The following WRAP73 variants were observed in gnomAD, a reference collection of about 807,000 sequenced individuals.
WRAP73 encodes WD repeat containing, antisense to TP73.
WRAP73 carries 55 observed loss-of-function variants against 59.6 expected under a neutral mutation model. That is an observed-to-expected ratio of 0.92 (90% CI 0.74 to 1.15). The LOEUF is 1.15. WRAP73 is among the 50% of genes most tolerant of loss of function. WRAP73 has a pLI of 0.00. For synonymous variants in WRAP73, 265 were observed against 258.2 expected, an observed-to-expected ratio of 1.03 and a Z score of -0.25; for missense variants, 592 against 608.1, an observed-to-expected ratio of 0.97 and a Z score of 0.28.
chr1:3,632,789 CT>C (rs368001497), intron 9 of WRAP73: 7 of 252,680 alleles, frequency 2.8e-5, no homozygotes, highest in African/African-American at 9.2e-5. Flanking sequence ...AAGGACGCCC[CT>C]GGGCTCCTGG....
intron 3 of WRAP73, among the ~76,000 whole-genome samples, chr1:3,642,251 C>T (rs1644653273): frequency 6.6e-6 from 1 of 152,162 alleles, no homozygotes. Context: ...AAAAATCTGA[C>T]AGACTACAAG....
intron 8 of WRAP73, chr1:3,633,886 C>T (rs1434137170): frequency 1.7e-5 from 3 of 177,002 alleles, no homozygotes; most frequent in East Asian, 1.6e-4. Context: ...GACACAGACC[C>T]GAGGTGGGGG....
rs771040766 is a variant in WRAP73 at position 3,636,041 on chromosome 1, A to G, written c.517-11T>C. 6.2e-7 allele frequency: 1 copy of G among 1,606,348 alleles called. No individual in the cohort carries two copies. Among genetic ancestry groups the G allele is most frequent in the East Asian group, 2.2e-5 (1 of 44,844 alleles). On this transcript the variant is annotated splice_polypyrimidine_tract_variant and intron_variant, in intron 5 of 11. Transcript: ENST00000270708. Reference sequence around the variant, plus strand: ...GTCCGTATCAAAATGCTTCCAAAGGAAGGGGGGGAAACATTAAATTTGGAA... The same window carrying G: ...GTCCGTATCAAAATGCTTCCAAAGGGAGGGGGGGAAACATTAAATTTGGAA...
intron 3 of WRAP73, among the ~76,000 whole-genome samples, chr1:3,643,663 C>G (rs908819317): frequency 3.5e-5 from 2 of 57,818 alleles, no homozygotes; most frequent in African/African-American, 7.0e-5. Flanking sequence ...ACCCAGCGGC[C>G]CCGCTGAGCC....
chr1:3,647,541 C>T lies in WRAP73; in HGVS notation c.89G>A (p.Arg30Gln), dbSNP rs149650698. 143 of 1,613,274 alleles carry T rather than the reference C, an allele frequency of 8.9e-5. No individual in the cohort carries two copies. The African/African-American group carries it at 1.4e-3, about 16-fold the overall frequency. Residue 30 changes from arginine (R) to glutamine (Q), a missense_variant, in exon 2 of 12, where the codon CGG becomes CAG. Coordinates refer to ENST00000270708, the MANE Select transcript of WRAP73 (RefSeq NM_017818.4). ...GGTGTTCACATCCCGGACCACTAACCGGTACTGGACACAGGAAGCCTAAAA... is the reference window on the plus strand; with the variant it reads ...GGTGTTCACATCCCGGACCACTAACTGGTACTGGACACAGGAAGCCTAAAA... ...GKYLASCVQY[R>Q]LVVRDVNTLQ...
At chr1:3,649,072 G>A (rs759882326) in intron 1 of WRAP73, among the ~76,000 whole-genome samples, 10 of 152,272 alleles carry the variant, frequency 6.6e-5, no homozygotes, top group Non-Finnish European at 1.5e-4. Flanking sequence ...CACTTTTTAC[G>A]AGGCATGTTT....
chr1:3,630,945 C>A lies in WRAP73; in HGVS notation c.*30G>T, dbSNP rs1419511795. Reference sequence around the variant, plus strand: ...TCCCACACTGGAAACACAGAGTAGCCCTGTTTCTGCACACGTTAGTGCACC... The same window carrying A: ...TCCCACACTGGAAACACAGAGTAGCACTGTTTCTGCACACGTTAGTGCACC... On this transcript the variant is annotated 3_prime_UTR_variant, in exon 12 of 12. Transcript: ENST00000270708. 10 of 1,601,760 alleles carry A rather than the reference C, an allele frequency of 6.2e-6. No individual in the cohort carries two copies. The highest frequency in any genetic ancestry group is 8.5e-6 in the Non-Finnish European group (10 of 1,172,176).
chr1:3,632,345 C>T lies in WRAP73; in HGVS notation c.923-7G>A, dbSNP rs779877710. 18 of 1,613,974 alleles carry T rather than the reference C, an allele frequency of 1.1e-5. No individual in the cohort carries two copies. Among genetic ancestry groups the T allele is most frequent in the Admixed American group, 1.7e-5 (1 of 60,006 alleles). On this transcript the variant is annotated splice_region_variant and splice_polypyrimidine_tract_variant and intron_variant, in intron 9 of 11. Transcript: ENST00000270708. ...GGGACAGAGGCGATCTCATCTAGAA[C>T]ACCAACAGGAAGAACACGCCATTGT...
chr1:3,647,527 C>A lies in WRAP73; in HGVS notation c.103G>T (p.Asp35Tyr). 1 of 1,613,854 alleles carries A rather than the reference C, an allele frequency of 6.2e-7. No homozygotes were observed. The highest frequency in any genetic ancestry group is 1.1e-5 in the South Asian group (1 of 91,066). The change falls in exon 2 of 12, where the codon GAT becomes TAT. Residue 35 changes from aspartate to tyrosine, a missense_variant. By Grantham distance (160) the Asp-to-Tyr change is radical. Transcript: ENST00000270708. ...TGAAGGATCTGAAGGGTGTTCACAT[C>A]CCGGACCACTAACCGGTACTGGACA... ...SCVQYRLVVR[D>Y]VNTLQILQLY...
chr1:3,633,504 C>G lies in WRAP73; in HGVS notation c.817-1G>C. On this transcript the variant is annotated splice_acceptor_variant, in intron 8 of 11. Transcript: ENST00000270708. LOFTEE classifies it high-confidence loss of function. ...TCTTCTCGGCCTCCTTATACACCAC[C>G]TGAAAGACACAAGGTGGCCACGCCC... is the stretch of plus-strand genomic sequence containing the variant. The G allele has an allele frequency of 6.3e-7, 1 of 1,588,874 alleles. No homozygotes were observed. Among genetic ancestry groups the G allele is most frequent in the East Asian group, 2.2e-5 (1 of 44,614 alleles).
In WRAP73 at chr1:3,646,692, G is replaced by A. The variant is rs1444708641; in HGVS notation, c.313C>T (p.His105Tyr). Residue 105 changes from histidine (H) to tyrosine (Y), a missense_variant, in exon 3 of 12, where the codon CAC becomes TAC. By Grantham distance (83) the His-to-Tyr change is moderately conservative. Coordinates refer to ENST00000270708, the MANE Select transcript of WRAP73 (RefSeq NM_017818.4). This position sits in a 1 kb window ranked among gnomAD's most constrained non-coding sequence, Gnocchi z 5.1. ...TGGAATTCCGTGGTGTTGAGAATGT[G>A]GCGCCCGTCCGGGCTCCAGCACGAG... is the stretch of plus-strand genomic sequence containing the variant. ...VASCWSPDGR[H>Y]ILNTTEFHLR... 1 of 1,605,412 alleles carries A rather than the reference G, an allele frequency of 6.2e-7. No individual in the cohort carries two copies. Among genetic ancestry groups the A allele is most frequent in the Non-Finnish European group, 8.5e-7 (1 of 1,173,806 alleles).
chr1:3,637,074 C>T lies in WRAP73; in HGVS notation c.437G>A (p.Arg146His), dbSNP rs768833149. Residue 146 changes from arginine (R) to histidine (H), a missense_variant, in exon 5 of 12, where the codon CGC (arginine) becomes CAC (histidine). Physicochemically the swap from Arg to His is conservative, Grantham distance 29 (BLOSUM62 0). Transcript: ENST00000270708. The part of the protein sequence containing the change: ...LQGITFTRDG[R>H]YMALAERRDC... ...GCGCCGTTCTGCCAGCGCCATGTAG[C>T]GGCCGTCCCTGGTGAAGGTGATTCC... 3.7e-6 allele frequency: 6 copies of T among 1,611,980 alleles called. No individual in the cohort carries two copies. The highest frequency in any genetic ancestry group is 1.7e-5 in the Admixed American group (1 of 59,890).
intron 3 of WRAP73, among the ~76,000 whole-genome samples, chr1:3,641,687 C>G (rs1183910139): frequency 6.6e-6 from 1 of 152,246 alleles, no homozygotes; most frequent in Non-Finnish European, 1.5e-5. Context: ...CAAAGTGACT[C>G]ACTCAACTGT....
intron 8 of WRAP73, 193 bp from the exon 9 acceptor site, chr1:3,633,696 C>G: frequency 1.8e-6 from 1 of 561,186 alleles, no homozygotes; most frequent in Non-Finnish European, 3.2e-6. Context: ...CACCCTCTCT[C>G]GTGTCCTGCT....
Position 3,633,472 on chromosome 1 carries a change from T to C in WRAP73, c.848A>G (p.Gln283Arg). 6.2e-7 allele frequency: 1 copy of C among 1,610,006 alleles called. No homozygotes were observed. The highest frequency in any genetic ancestry group is 8.5e-7 in the Non-Finnish European group (1 of 1,179,136). Residue 283 changes from glutamine to arginine, a missense_variant, in exon 9 of 12, where the codon CAG becomes CGG. Gln to Arg is a conservative substitution (Grantham distance 43, BLOSUM62 1). Transcript: ENST00000270708. ...GAAGGAGAGGCAGCCCAGTCCCAGC[T>C]GTGGGCTCTTCTCGGCCTCCTTATA... is the stretch of plus-strand genomic sequence containing the variant. ...VVYKEAEKSP[Q>R]LGLGCLSFPP...
chr1:3,641,270 C>T (rs1570305883), intron 3 of WRAP73, among the ~76,000 whole-genome samples: 2 of 141,096 alleles, frequency 1.4e-5, no homozygotes, highest in East Asian at 2.1e-4. Flanking sequence ...AACGGGCCAC[C>T]GATCCACACC....
At chr1:3,641,930 A>G (rs1644649887) in intron 3 of WRAP73, among the ~76,000 whole-genome samples, 1 of 152,260 alleles carries the variant, frequency 6.6e-6, no homozygotes, top group Non-Finnish European at 1.5e-5. Context: ...TACGGGATAA[A>G]TCAGACTCTG....
rs759941166 is a variant in WRAP73 at position 3,636,044 on chromosome 1, G to C, written c.517-14C>G. ...CGTATCAAAATGCTTCCAAAGGAAGGGGGGGAAACATTAAATTTGGAAAAT... is the reference window on the plus strand; with the variant it reads ...CGTATCAAAATGCTTCCAAAGGAAGCGGGGGAAACATTAAATTTGGAAAAT... On this transcript the variant is annotated splice_polypyrimidine_tract_variant and intron_variant, in intron 5 of 11. Coordinates refer to ENST00000270708, the MANE Select transcript of WRAP73 (RefSeq NM_017818.4). 1.6e-5 allele frequency: 25 copies of C among 1,598,736 alleles called. No individual in the cohort carries two copies. Among genetic ancestry groups the C allele is most frequent in the South Asian group, 9.9e-5 (9 of 90,460 alleles).
At chr1:3,643,326 G>A (rs1249686521) in intron 3 of WRAP73, among the ~76,000 whole-genome samples, 2 of 152,264 alleles carry the variant, frequency 1.3e-5, no homozygotes, top group Non-Finnish European at 2.9e-5. Context: ...CACGCAAGAC[G>A]TGGGGCAAAG....
Sources: gnomAD v4.1 joint callset for allele counts (sites outside exome capture counted in the v4.1 genomes callset) on GRCh38, gnomAD v4.1.1 for gene constraint, Gnocchi (gnomAD v3.1) non-coding constraint, MANE v1.5 for transcripts, NCBI Gene and HGNC (gene_info 2026-07-23, HGNC 2026-07-21) for gene names.